ZNF112: variants seen among roughly 807,000 people sequenced by gnomAD.
ZNF112 encodes the protein zinc finger protein 112.
Under a neutral mutation model 77.7 loss-of-function variants are expected in ZNF112, and 37 were observed. That is an observed-to-expected ratio of 0.48 (90% CI 0.37 to 0.63). ZNF112 has a LOEUF of 0.63. Among genes scored for constraint, ZNF112 ranks in the 20% least tolerant of loss-of-function variants. ZNF112 has a pLI of 0.00. For synonymous variants in ZNF112, 333 were observed against 363.6 expected (o/e 0.92, Z 0.96); for missense variants, 950 against 1,077.4 (o/e 0.88, Z 1.66).
rs1970128499 is a variant in ZNF112 at position 44,326,721 on chromosome 19, C to G, written c.*712G>C. 1 of 152,094 alleles carries G rather than the reference C, an allele frequency of 6.6e-6. No homozygotes were observed. The highest frequency in any genetic ancestry group is 2.4e-5 in the African/African-American group (1 of 41,404). The allele number at this position is 152,094 out of a possible 1,614,324, so 9.4% of individuals were successfully genotyped here. ...AACATTAACCAGAAACATTGTTTAT[C>G]AGTTTGTACTGATATTTCAAGTGCA... On this transcript the variant is annotated 3_prime_UTR_variant, in exon 4 of 4. Coordinates refer to ENST00000354340, the MANE Select transcript of ZNF112 (RefSeq NM_013380.4).
chr19:44,329,221 C>A lies in ZNF112; in HGVS notation c.936G>T (p.Leu312=). Residue 312 remains leucine (L), a synonymous_variant, in exon 4 of 4, where the codon CTG becomes CTT. Coordinates refer to ENST00000354340, the MANE Select transcript of ZNF112 (RefSeq NM_013380.4). ...EREDDIENSH[L]KSYQRVHTEE... is the part of the protein sequence containing the mutation. ...CTGTATGCACTCTCTGATAGGATTT[C>A]AGATGTGAATTCTCAATATCATCTT... 1 of 1,613,818 alleles carries A rather than the reference C, an allele frequency of 6.2e-7. No homozygotes were observed. Among genetic ancestry groups the A allele is most frequent in the African/African-American group, 1.3e-5 (1 of 75,044 alleles).
At chr19:44,351,043 C>T (rs370240489) in intron 1 of ZNF112, among the ~76,000 whole-genome samples, 1 of 152,070 alleles carries the variant, frequency 6.6e-6, no homozygotes, top group Non-Finnish European at 1.5e-5. Flanking sequence ...AAGGTGTCAG[C>T]AGGGCTGGTT....
chr19:44,342,471 T>G (rs1198927453), intron 1 of ZNF112, among the ~76,000 whole-genome samples: 9 of 152,136 alleles, frequency 5.9e-5, no homozygotes, highest in Admixed American at 5.2e-4. Context: ...GATACTGCAA[T>G]GTAAAACTGC....
intron 1 of ZNF112, among the ~76,000 whole-genome samples, chr19:44,363,947 T>C (rs993168091): frequency 6.6e-6 from 1 of 152,188 alleles, no homozygotes; most frequent in Admixed American, 6.5e-5. Context: ...TTCACTCTTG[T>C]CATGCAGGCT....
At position 44,329,036 on chromosome 19, in the gene ZNF112, A is replaced by T; in HGVS notation, c.1121T>A (p.Val374Asp). 6.2e-7 allele frequency: 1 copy of T among 1,613,868 alleles called. No individual in the cohort carries two copies. Among genetic ancestry groups the T allele is most frequent in the Non-Finnish European group, 8.5e-7 (1 of 1,179,964 alleles). The change falls in exon 4 of 4, where the codon GTC becomes GAC. Residue 374 changes from valine (V) to aspartate (D), a missense_variant. Around this residue, in one of 3 missense-constraint regions of ZNF112, gnomAD observed 560 missense variants for 557.3 expected, o/e 1.00. Coordinates refer to ENST00000354340, the MANE Select transcript of ZNF112 (RefSeq NM_013380.4). ...TTCATGGGGTTCATCCCTAGTATGG[A>T]CCCTAAAAATACTATTAAGGTCTAA... is the stretch of plus-strand genomic sequence containing the variant. ...HSLDLNSIFR[V>D]HTRDEPHEYE... is the part of the protein sequence containing the mutation.
At chr19:44,352,059 G>C (rs937615696) in intron 1 of ZNF112, among the ~76,000 whole-genome samples, 1 of 151,962 alleles carries the variant, frequency 6.6e-6, no homozygotes, top group Non-Finnish European at 1.5e-5. Flanking sequence ...AGTGAACCAG[G>C]GGTTTCCTGG....
intron 1 of ZNF112, among the ~76,000 whole-genome samples, chr19:44,349,361 A>T (rs1970652095): frequency 1.3e-5 from 2 of 149,950 alleles, no homozygotes; most frequent in Admixed American, 1.3e-4. Context: ...TTCAAGCCAA[A>T]CACAAGAAAA....
intron 3 of ZNF112, among the ~76,000 whole-genome samples, 181 bp downstream of exon 3, chr19:44,336,442 A>T (rs1252039358): frequency 1.3e-5 from 2 of 152,212 alleles, no homozygotes; most frequent in Admixed American, 1.3e-4. Context: ...GTGAATATGG[A>T]AAGTGAGAAG....
intron 1 of ZNF112, among the ~76,000 whole-genome samples, chr19:44,345,886 A>G (rs547251471): frequency 9.8e-5 from 15 of 152,318 alleles, no homozygotes; most frequent in African/African-American, 3.6e-4. Flanking sequence ...AAGCTTTCAT[A>G]AAAAGGACAG....
chr19:44,367,136 G>A (rs1300947630), exon 1 of ZNF112: 6 of 456,076 alleles, frequency 1.3e-5, no homozygotes, highest in African/African-American at 4.0e-5. Flanking sequence ...TCGAAGACAA[G>A]GAGGGCCGCC....
intron 1 of ZNF112, among the ~76,000 whole-genome samples, chr19:44,350,012 GGAACAACCACAGGT>G (rs1257016478): frequency 1.3e-5 from 2 of 152,052 alleles, no homozygotes; most frequent in African/African-American, 4.8e-5. Context: ...CAGTCGATAT[GGAACAACCACAGGT>G]GAAAATATTA....
At chr19:44,364,862 C>T (rs551415478) in intron 1 of ZNF112, among the ~76,000 whole-genome samples, 19 of 152,280 alleles carry the variant, frequency 1.2e-4, no homozygotes, top group South Asian at 2.1e-4. Context: ...CAATTCCCCA[C>T]GGACACCAAG....
intron 2 of ZNF112, among the ~76,000 whole-genome samples, chr19:44,338,599 G>A (rs1232399788): frequency 2.6e-5 from 4 of 152,144 alleles, no homozygotes; most frequent in African/African-American, 9.7e-5. Context: ...GAATCATTAG[G>A]AATGTTCTAT....
chr19:44,332,202 C>T (rs1970282940), intron 3 of ZNF112, among the ~76,000 whole-genome samples: 2 of 152,052 alleles, frequency 1.3e-5, no homozygotes, highest in Non-Finnish European at 2.9e-5. Flanking sequence ...CTCAAAAAAA[C>T]CCAAAATGGT....
chr19:44,328,768 T>C lies in ZNF112; in HGVS notation c.1389A>G (p.Gln463=). 6.2e-7 allele frequency: 1 copy of C among 1,614,140 alleles called. No homozygotes were observed. The change falls in exon 4 of 4, where the codon CAA becomes CAG. Residue 463 remains glutamine (Q), a synonymous_variant. Coordinates refer to ENST00000354340, the MANE Select transcript of ZNF112 (RefSeq NM_013380.4). ...QDLQIVHTKE[Q]PYKRYVCSNS... Reference sequence around the variant, plus strand: ...TACTACACACATAGCGTTTATATGGTTGTTCCTTAGTGTGGACTATCTGAA... The same window carrying C: ...TACTACACACATAGCGTTTATATGGCTGTTCCTTAGTGTGGACTATCTGAA...
At position 44,333,165 on chromosome 19, in the gene ZNF112, A is replaced by G. The variant is rs377572737; in HGVS notation, c.221-3229T>C. ...TGATTCAAGCAACCCAAATTGATCA[A>G]TTCAATAACAAAGGTGCTATATTTG... On this transcript the variant is annotated intron_variant, in intron 3 of 3. Coordinates refer to ENST00000354340, the MANE Select transcript of ZNF112 (RefSeq NM_013380.4). Among the ~76,000 whole-genome samples the G allele has an allele frequency of 4.3e-4, 65 of 152,380 alleles. No individual in the cohort carries two copies. In the Middle Eastern group the frequency reaches 0.014, roughly 32 times the overall value.
At chr19:44,367,190 T>G (rs1970914108) in exon 1 of ZNF112, 2 of 454,790 alleles carry the variant, frequency 4.4e-6, no homozygotes, top group Admixed American at 4.7e-5. Context: ...TCACTCAACT[T>G]CCTGAAAGGA....
chr19:44,341,567 C>A (rs1277032063), intron 1 of ZNF112, among the ~76,000 whole-genome samples: 2 of 152,210 alleles, frequency 1.3e-5, no homozygotes, highest in East Asian at 3.9e-4. Flanking sequence ...TTAAAAAAAT[C>A]TTTCATAATC....
At chr19:44,343,234 A>G in intron 1 of ZNF112, 12 of 1,613,326 alleles carry the variant, frequency 7.4e-6, no homozygotes, top group Non-Finnish European at 1.0e-5. Flanking sequence ...GTAAAACGGC[A>G]TAAATGAAAA....
Sources: gnomAD v4.1 joint callset for allele counts (sites outside exome capture counted in the v4.1 genomes callset) on GRCh38, gnomAD v4.1.1 for gene constraint, gnomAD v4.1.1 regional missense constraint, MANE v1.5 for transcripts, NCBI Gene and HGNC (gene_info 2026-07-23, HGNC 2026-07-21) for gene names.